Variants in INPP5F observed in about 807,000 individuals in gnomAD.
INPP5F encodes the protein phosphatidylinositide 4-phosphatase SAC2.
In INPP5F, 97 loss-of-function variants were observed where a neutral mutation model predicts 137.2. The observed-to-expected ratio is 0.71, with a 90% confidence interval of 0.60 to 0.84. The LOEUF (loss-of-function observed/expected upper bound fraction) is 0.84. Among genes scored for constraint, INPP5F ranks in the 40% least tolerant of loss-of-function variants. The pLI is 0.00. For synonymous variants in INPP5F, 504 were observed against 476.9 expected (o/e 1.06, Z -0.74); for missense variants, 1,271 against 1,371.9 (o/e 0.93, Z 1.16).
chr10:119,772,144 T>C (rs1185775222), intron 2 of INPP5F, among the ~76,000 whole-genome samples: 2 of 151,750 alleles, frequency 1.3e-5, no homozygotes, highest in Non-Finnish European at 2.9e-5. Context: ...GTGATCTGCC[T>C]ACCTCGGCCT....
At chr10:119,760,460 A>G (rs1848978403) in intron 2 of INPP5F, among the ~76,000 whole-genome samples, 1 of 152,188 alleles carries the variant, frequency 6.6e-6, no homozygotes, top group African/African-American at 2.4e-5. Context: ...CTTAAAGAAT[A>G]AAAATAAGAA....
chr10:119,762,302 T>C (rs1009480036), intron 2 of INPP5F, among the ~76,000 whole-genome samples: 3 of 152,178 alleles, frequency 2.0e-5, no homozygotes, highest in Admixed American at 2.0e-4. Flanking sequence ...CCCAGAAGAT[T>C]TGATGTCTGG....
At chr10:119,761,025 T>C (rs571899761) in intron 2 of INPP5F, among the ~76,000 whole-genome samples, 2 of 152,372 alleles carry the variant, frequency 1.3e-5, no homozygotes, top group South Asian at 4.1e-4. Context: ...CTTAATAATT[T>C]AGACTTTTCT....
At chr10:119,726,404 G>A in intron 1 of INPP5F, 45 bp downstream of exon 1, 6 of 1,140,488 alleles carry the variant, frequency 5.3e-6, no homozygotes, top group Non-Finnish European at 6.7e-6. Flanking sequence ...GCCAGGGCGG[G>A]GAGAGGAGGG....
intron 1 of INPP5F, among the ~76,000 whole-genome samples, chr10:119,738,106 C>G (rs372313141): frequency 2.0e-5 from 3 of 152,272 alleles, no homozygotes; most frequent in African/African-American, 7.2e-5. Context: ...AAGCCATGTA[C>G]TGCCAAATGG....
intron 2 of INPP5F, among the ~76,000 whole-genome samples, chr10:119,758,533 T>G (rs1848916172): frequency 6.6e-6 from 1 of 152,152 alleles, no homozygotes; most frequent in Non-Finnish European, 1.5e-5. Flanking sequence ...TCACAAAAGC[T>G]CTTCAAGTTA....
intron 2 of INPP5F, among the ~76,000 whole-genome samples, chr10:119,751,579 GTCCTGTCAGGGATCCCTA>G (rs1365777411): frequency 1.3e-5 from 2 of 152,128 alleles, no homozygotes; most frequent in African/African-American, 4.8e-5. Context: ...ACACAGTGTG[GTCCTGTCAGGGATCCCTA>G]TCCAGGACAG....
In INPP5F at chr10:119,792,216, G is replaced by A. The variant is rs991323146; in HGVS notation, c.669+3G>A. On this transcript the variant is annotated splice_donor_region_variant and intron_variant, in intron 6 of 19. Coordinates refer to ENST00000650623, the MANE Select transcript of INPP5F (RefSeq NM_014937.4). ...TACAAGATCTTACTGAGATTGGTGT[G>A]AGTAGTTGTTTCTAAAATTTCCTAA... The A allele has an allele frequency of 5.6e-6, 9 of 1,604,308 alleles. No homozygotes were observed. Among genetic ancestry groups the A allele is most frequent in the African/African-American group, 4.0e-5 (3 of 74,700 alleles).
In INPP5F at chr10:119,777,902, G is replaced by A. The variant is rs181766008; in HGVS notation, c.179-3733G>A. ...TTCCAAACTTCTGCATTTATGAAAC[G>A]CTTAAAGCATATCTCCAAAGCACCA... On this transcript the variant is annotated intron_variant, in intron 2 of 19. Coordinates refer to ENST00000650623, the MANE Select transcript of INPP5F (RefSeq NM_014937.4). Among the ~76,000 whole-genome samples the A allele has an allele frequency of 1.6e-4, 25 of 152,194 alleles. No homozygotes were observed. In the East Asian group the frequency reaches 4.2e-3, roughly 26 times the overall value.
At chr10:119,773,579 T>C (rs1849430518) in intron 2 of INPP5F, among the ~76,000 whole-genome samples, 1 of 152,258 alleles carries the variant, frequency 6.6e-6, no homozygotes, top group Non-Finnish European at 1.5e-5. Context: ...TTCCCTTCTT[T>C]ATCATCATTT....
At chr10:119,755,071 A>T (rs1311613205) in intron 2 of INPP5F, among the ~76,000 whole-genome samples, 1 of 152,200 alleles carries the variant, frequency 6.6e-6, no homozygotes, top group Non-Finnish European at 1.5e-5. Flanking sequence ...ATTTGAACAG[A>T]TGTCATTGAC....
chr10:119,795,273 C>T (rs1343355614), intron 6 of INPP5F, among the ~76,000 whole-genome samples: 1 of 151,802 alleles, frequency 6.6e-6, no homozygotes, highest in Admixed American at 6.6e-5. Context: ...CCCTACCTCC[C>T]TCGCGGACGA....
At chr10:119,808,237 A>T (rs897705859) in intron 13 of INPP5F, among the ~76,000 whole-genome samples, 177 bp downstream of exon 13, 1 of 152,234 alleles carries the variant, frequency 6.6e-6, no homozygotes, top group Non-Finnish European at 1.5e-5. Flanking sequence ...CACACATTAC[A>T]TCAGAGGGAG....
chr10:119,738,102 T>G (rs1167358264), intron 1 of INPP5F, among the ~76,000 whole-genome samples: 3 of 152,226 alleles, frequency 2.0e-5, no homozygotes, highest in African/African-American at 7.2e-5. Flanking sequence ...ATAGAAGCCA[T>G]GTACTGCCAA....
chr10:119,819,452 G>C, intron 15 of INPP5F: 2 of 1,569,184 alleles, frequency 1.3e-6, no homozygotes, highest in Non-Finnish European at 1.7e-6. Flanking sequence ...AAGTAACACT[G>C]TAATTAGTAG....
chr10:119,767,122 A>AAAAAAAAC (rs1849194333), intron 2 of INPP5F, among the ~76,000 whole-genome samples: 3 of 149,242 alleles, frequency 2.0e-5, no homozygotes, highest in African/African-American at 4.9e-5. Context: ...AAAAAAAAAA[A>AAAAAAAAC]AAAAAAAAAA....
In INPP5F at chr10:119,732,326, C is replaced by T. The variant is rs901627327; in HGVS notation, c.97+5967C>T. ...TGCTAGGATTGCAGGCGTGAGCCAC[C>T]ACGCCTGGTAGGAGTACAAAGTCTT... On this transcript the variant is annotated intron_variant, in intron 1 of 19. Coordinates refer to ENST00000650623, the MANE Select transcript of INPP5F (RefSeq NM_014937.4). Among the ~76,000 whole-genome samples, 7 of 151,956 alleles carry T rather than the reference C, an allele frequency of 4.6e-5. 1 individual carries two copies. The East Asian group carries it at 1.2e-3, about 25-fold the overall frequency.
At position 119,787,098 on chromosome 10, in the gene INPP5F, G is replaced by GGT. The variant is rs1247976226; in HGVS notation, c.316-4418_316-4417dup. ...TGGTATGAATGTTCATACTAAGGGA[G>GGT]GTAAGTGATGATTATCAGTATCTTC... is the stretch of plus-strand genomic sequence containing the variant. On this transcript the variant is annotated intron_variant, in intron 3 of 19. Transcript: ENST00000650623. This position sits in a 1 kb window ranked among gnomAD's most constrained non-coding sequence, Gnocchi z 4.1. Among the ~76,000 whole-genome samples the GGT allele has an allele frequency of 6.6e-6, 1 of 152,050 alleles. No homozygotes were observed. Among genetic ancestry groups the GGT allele is most frequent in the East Asian group, 1.9e-4 (1 of 5,190 alleles).
At chr10:119,728,000 A>G (rs1847940996) in intron 1 of INPP5F, among the ~76,000 whole-genome samples, 1 of 152,254 alleles carries the variant, frequency 6.6e-6, no homozygotes, top group Non-Finnish European at 1.5e-5. Context: ...TCTGACAACA[A>G]ACTTTTCTAC....
Sources: gnomAD v4.1 joint callset for allele counts (sites outside exome capture counted in the v4.1 genomes callset) on GRCh38, gnomAD v4.1.1 for gene constraint, Gnocchi (gnomAD v3.1) non-coding constraint, MANE v1.5 for transcripts, NCBI Gene and HGNC (gene_info 2026-07-23, HGNC 2026-07-21) for gene names.